The following DPP6 variants were observed in gnomAD, a reference collection of about 807,000 sequenced individuals.
The protein encoded by DPP6 is A-type potassium channel modulatory protein DPP6.
A neutral mutation model predicts 122.6 loss-of-function variants in DPP6; 69 were observed. That is an observed-to-expected ratio of 0.56 (90% CI 0.46 to 0.69). The LOEUF (loss-of-function observed/expected upper bound fraction) is 0.69, where lower values mean the gene tolerates loss of function less well. Ranked by LOEUF, DPP6 falls within the 30% of genes least tolerant of loss-of-function variation. The pLI is 0.00. For missense variants in DPP6, 928 were observed against 1,116.9 expected, an observed-to-expected ratio of 0.83 and a Z score of 2.41; for synonymous variants, 418 against 433.1, an observed-to-expected ratio of 0.97 and a Z score of 0.43.
intron 1 of DPP6, among the ~76,000 whole-genome samples, chr7:154,110,965 G>T (rs564053922): frequency 8.6e-4 from 131 of 152,218 alleles, no homozygotes; most frequent in Non-Finnish European, 1.7e-3. Context: ...AGAGGAGGGT[G>T]CATGTAAGGC....
At chr7:154,664,717 G>T (rs1838037815) in intron 6 of DPP6, among the ~76,000 whole-genome samples, 1 of 147,124 alleles carries the variant, frequency 6.8e-6, no homozygotes, top group African/African-American at 2.5e-5. Context: ...GCAATTATCT[G>T]ACTTTTCATT....
chr7:153,948,924 G>A (rs2129020129), intron 1 of DPP6, among the ~76,000 whole-genome samples: 1 of 151,594 alleles, frequency 6.6e-6, no homozygotes, highest in African/African-American at 2.4e-5. Flanking sequence ...AGCAAAATTG[G>A]GAAAGAATAT....
At chr7:154,779,607 C>T (rs1024619404) in intron 10 of DPP6, among the ~76,000 whole-genome samples, 2 of 152,172 alleles carry the variant, frequency 1.3e-5, no homozygotes, top group Non-Finnish European at 2.9e-5. Flanking sequence ...ACTGTATTTC[C>T]CTTTGTGCTT....
intron 10 of DPP6, among the ~76,000 whole-genome samples, chr7:154,786,724 G>T (rs1797360341): frequency 1.3e-5 from 2 of 152,160 alleles, no homozygotes; most frequent in African/African-American, 4.8e-5. Flanking sequence ...TCTGATAATT[G>T]TTCCTCTGCA....
chr7:153,961,938 C>T (rs1795375485), intron 1 of DPP6, among the ~76,000 whole-genome samples: 1 of 149,222 alleles, frequency 6.7e-6, no homozygotes, highest in East Asian at 2.0e-4. Flanking sequence ...ATTCATGGCT[C>T]AAGTTGGGGA....
chr7:154,578,655 C>T (rs968063306), intron 5 of DPP6, among the ~76,000 whole-genome samples: 2 of 152,062 alleles, frequency 1.3e-5, no homozygotes, highest in South Asian at 2.1e-4. Flanking sequence ...AATTGGGTGC[C>T]GCCTTGGGTC....
rs1799906598 is a variant in DPP6 at position 153,907,693 on chromosome 7, G to C, written c.51+19959G>C. ...GAGGCTGACCTCCCCAGAGTAATGG[G>C]GAATTCTGCAGCAAATGGCCTCTGG... On this transcript the variant is annotated intron_variant, in intron 1 of 25. Transcript: ENST00000404039. Among the ~76,000 whole-genome samples the C allele has an allele frequency of 2.6e-5, 4 of 152,160 alleles. No homozygotes were observed. In the South Asian group the frequency reaches 8.3e-4, roughly 32 times the overall value.
At chr7:154,494,564 A>G (rs1477138456) in intron 3 of DPP6, among the ~76,000 whole-genome samples, 2 of 151,950 alleles carry the variant, frequency 1.3e-5, no homozygotes, top group African/African-American at 2.4e-5. Context: ...GTTTCTTTCT[A>G]TATTTCAGAT....
the DPP6 span, among the ~76,000 whole-genome samples, chr7:153,749,305 G>A: frequency 1.3e-5 from 2 of 152,178 alleles, no homozygotes; most frequent in African/African-American, 4.8e-5. The surrounding 1 kb of genome is among the most constrained non-coding windows in gnomAD (Gnocchi z 4.1). Context: ...GGGCTGGCAG[G>A]TGCAGCTGTT....
At chr7:153,804,726 T>A in the DPP6 span, among the ~76,000 whole-genome samples, 1 of 151,710 alleles carries the variant, frequency 6.6e-6, no homozygotes, top group African/African-American at 2.4e-5. Flanking sequence ...AATCCCCTCT[T>A]TACTAAAATT....
chr7:153,804,799 G>T, the DPP6 span, among the ~76,000 whole-genome samples: 17 of 152,100 alleles, frequency 1.1e-4, 1 homozygote, highest in South Asian at 8.3e-4. Context: ...CAGGAGAATT[G>T]CTTGAACCCT....
intron 5 of DPP6, among the ~76,000 whole-genome samples, chr7:154,610,907 T>C (rs966910525): frequency 2.0e-5 from 3 of 152,218 alleles, no homozygotes; most frequent in African/African-American, 7.2e-5. Flanking sequence ...GATTGTAATT[T>C]CCAACTTCTA....
chr7:153,869,208 G>T, the DPP6 span, among the ~76,000 whole-genome samples: 1 of 152,116 alleles, frequency 6.6e-6, no homozygotes, highest in Non-Finnish European at 1.5e-5. Flanking sequence ...GGATATCCTT[G>T]TTAACTTTCT....
chr7:154,741,968 A>G (rs980234276), intron 8 of DPP6, among the ~76,000 whole-genome samples: 1 of 152,142 alleles, frequency 6.6e-6, no homozygotes, highest in East Asian at 1.9e-4. Flanking sequence ...ATATTCCAAC[A>G]CCTGACAGTG....
intron 16 of DPP6, among the ~76,000 whole-genome samples, chr7:154,809,347 T>G (rs1435085345): frequency 6.6e-6 from 1 of 152,082 alleles, no homozygotes; most frequent in East Asian, 1.9e-4. Context: ...TGGCCCCTCT[T>G]TAATTATTGT....
At chr7:154,065,601 G>A (rs3969612) in intron 1 of DPP6, among the ~76,000 whole-genome samples, 15 of 151,606 alleles carry the variant, frequency 9.9e-5, no homozygotes, top group Middle Eastern at 3.4e-3. Flanking sequence ...TAGTACCCCC[G>A]CCCCCGAGAG....
intron 3 of DPP6, among the ~76,000 whole-genome samples, chr7:154,515,717 G>A (rs953462267): frequency 3.9e-5 from 6 of 152,158 alleles, no homozygotes; most frequent in Middle Eastern, 3.4e-3. Context: ...GACCTGATCC[G>A]CCCTCGTCGG....
At chr7:153,790,433 A>T in the DPP6 span, among the ~76,000 whole-genome samples, 5 of 152,192 alleles carry the variant, frequency 3.3e-5, no homozygotes, top group Non-Finnish European at 5.9e-5. Flanking sequence ...ACATGTTTTT[A>T]AAAGCATCTT....
intron 1 of DPP6, among the ~76,000 whole-genome samples, chr7:153,918,878 C>T (rs1292728395): frequency 6.8e-6 from 1 of 147,274 alleles, no homozygotes; most frequent in Non-Finnish European, 1.5e-5. Context: ...ACTTGGGAGG[C>T]TGAGGCATGA....
Sources: gnomAD v4.1 joint callset for allele counts (sites outside exome capture counted in the v4.1 genomes callset) on GRCh38, gnomAD v4.1.1 for gene constraint, Gnocchi (gnomAD v3.1) non-coding constraint, MANE v1.5 for transcripts, NCBI Gene and HGNC (gene_info 2026-07-23, HGNC 2026-07-21) for gene names.